The following GADL1 variants were observed in gnomAD, a reference collection of about 807,000 sequenced individuals.
GADL1 encodes the protein acidic amino acid decarboxylase GADL1.
Under a neutral mutation model 69.5 loss-of-function variants are expected in GADL1, and 71 were observed. The observed-to-expected ratio is 1.02, with a 90% CI of 0.84 to 1.25. The LOEUF (loss-of-function observed/expected upper bound fraction) is 1.25. Among genes scored for constraint, GADL1 ranks in the 50% most tolerant of loss-of-function variants. The pLI is 0.00. For synonymous variants in GADL1, 254 were observed against 214.4 expected (o/e 1.18, Z -1.62); for missense variants, 737 against 631.8 (o/e 1.17, Z -1.79).
chr3:30,869,936 A>G (rs1395530381), intron 1 of GADL1, among the ~76,000 whole-genome samples: 1 of 151,906 alleles, frequency 6.6e-6, no homozygotes, highest in Non-Finnish European at 1.5e-5. Flanking sequence ...GTGAAGTCAG[A>G]TAAAACATAC....
chr3:30,752,342 G>A (rs965229391), intron 14 of GADL1, among the ~76,000 whole-genome samples: 3 of 152,020 alleles, frequency 2.0e-5, no homozygotes, highest in Admixed American at 6.6e-5. Flanking sequence ...TGACAGTTAC[G>A]GGTGCAGTTT....
Position 30,800,897 on chromosome 3 carries a change from A to G in GADL1, c.1242T>C (p.Ala414=). ...GAGAGAGAGGCTAGTACCTAGATAA[A>G]GCAAGAGCACGATTAACTCTTTCTT... ...GLEERVNRAL[A]LSRYLVDEIK... is the part of the protein sequence containing the mutation. Residue 414 remains alanine, a synonymous_variant, in exon 12 of 15, where the codon GCT becomes GCC. Coordinates refer to ENST00000282538, the MANE Select transcript of GADL1 (RefSeq NM_207359.3). 6.2e-7 allele frequency: 1 copy of G among 1,609,532 alleles called. No individual in the cohort carries two copies. The highest frequency in any genetic ancestry group is 8.5e-7 in the Non-Finnish European group (1 of 1,179,490).
intron 11 of GADL1, among the ~76,000 whole-genome samples, chr3:30,817,029 C>T (rs969685467): frequency 1.3e-5 from 2 of 152,156 alleles, no homozygotes; most frequent in African/African-American, 4.8e-5. Context: ...AGTGCCCATA[C>T]CCCAGTGACC....
chr3:30,792,820 C>CTAAA (rs1296331232), intron 12 of GADL1, among the ~76,000 whole-genome samples: 1 of 152,036 alleles, frequency 6.6e-6, no homozygotes, highest in Admixed American at 6.6e-5. Flanking sequence ...AATATTTTCC[C>CTAAA]CAGAAGTCTT....
chr3:30,867,673 AT>A (rs1320175421), intron 1 of GADL1, among the ~76,000 whole-genome samples: 1 of 151,808 alleles, frequency 6.6e-6, no homozygotes, highest in Non-Finnish European at 1.5e-5. Context: ...AGTACTAAAT[AT>A]TTGCTGAAGT....
intron 12 of GADL1, 35 bp downstream of exon 12, chr3:30,800,854 A>T: frequency 5.1e-6 from 6 of 1,183,672 alleles, no homozygotes; most frequent in African/African-American, 1.7e-5. Context: ...CACACACAGA[A>T]AGAGAGAGAG....
At chr3:30,776,451 C>T (rs1266146612) in intron 14 of GADL1, among the ~76,000 whole-genome samples, 2 of 152,192 alleles carry the variant, frequency 1.3e-5, no homozygotes, top group Admixed American at 6.5e-5. Context: ...TTCTTAAGCA[C>T]TTTGCTATTT....
rs557739457 is a variant in GADL1 at position 30,755,625 on chromosome 3, C to G, written c.1392+22554G>C. On this transcript the variant is annotated intron_variant, in intron 14 of 14. Coordinates refer to ENST00000282538, the MANE Select transcript of GADL1 (RefSeq NM_207359.3). ...ACAGTTGTAGAAAATATATACTAGC[C>G]TAATAGCGGTAGTGTTTAAATGTCT... Among the ~76,000 whole-genome samples, 15 of 152,188 alleles carry G rather than the reference C, an allele frequency of 9.9e-5. No homozygotes were observed. The South Asian group carries it at 2.7e-3, about 27-fold the overall frequency.
chr3:30,828,783 A>G (rs1697736186), intron 11 of GADL1, among the ~76,000 whole-genome samples: 1 of 151,962 alleles, frequency 6.6e-6, no homozygotes, highest in East Asian at 1.9e-4. Context: ...GTACACACAT[A>G]TGCACATATA....
chr3:30,825,454 A>T (rs1697666002), intron 11 of GADL1, among the ~76,000 whole-genome samples: 1 of 151,978 alleles, frequency 6.6e-6, no homozygotes, highest in South Asian at 2.1e-4. Flanking sequence ...TTCAGCAAAA[A>T]ATTGACTCCC....
At chr3:30,762,110 T>C (rs968100422) in intron 14 of GADL1, among the ~76,000 whole-genome samples, 7 of 152,090 alleles carry the variant, frequency 4.6e-5, no homozygotes, top group African/African-American at 9.7e-5. Context: ...GGAACCCATG[T>C]TTTATAGAGA....
chr3:30,727,043 G>A lies in GADL1; in HGVS notation c.*1199C>T, dbSNP rs1265965864. ...AGGCACAGAGCAAGATAATAAACAA[G>A]CCCCTCAAGCTAAAAGAGGAACACA... is the stretch of plus-strand genomic sequence containing the variant. On this transcript the variant is annotated 3_prime_UTR_variant, in exon 15 of 15. Transcript: ENST00000282538. 1.3e-5 allele frequency: 2 copies of A among 151,722 alleles called. No individual in the cohort carries two copies. Among genetic ancestry groups the A allele is most frequent in the Non-Finnish European group, 2.9e-5 (2 of 67,858 alleles). 9.4% of individuals were successfully genotyped at this position (151,722 alleles called of 1,614,324 possible).
Position 30,727,528 on chromosome 3 carries a change from C to T in GADL1, c.*714G>A, listed in dbSNP as rs796368794. On this transcript the variant is annotated 3_prime_UTR_variant, in exon 15 of 15. Coordinates refer to ENST00000282538, the MANE Select transcript of GADL1 (RefSeq NM_207359.3). The stretch of plus-strand genomic sequence containing the variant: ...ACATAAATCTCTATGAAGTAAACAT[C>T]TTATACAGTTTCTCTCTTTAAAAAT... 1.5e-4 allele frequency: 23 copies of T among 151,848 alleles called. No individual in the cohort carries two copies. The highest frequency in any genetic ancestry group is 5.5e-4 in the African/African-American group (23 of 41,458). 9.4% of individuals were successfully genotyped at this position (151,848 alleles called of 1,614,324 possible). A position where few individuals can be genotyped will look rare whatever the true frequency, so the allele number is the denominator to read the frequency against.
rs999902870 is a variant in GADL1, at chr3:30,728,320, C to T, written c.1488G>A (p.Val496=). ...HRGKVNFFRQ[V]VISPQVSRED... is the part of the protein sequence containing the mutation. ...CCCGGCTCACTTGAGGGCTGATCAC[C>T]ACCTGGCGGAAGAAGTTGACCTTTC... is the stretch of plus-strand genomic sequence containing the variant. The change falls in exon 15 of 15, where the codon GTG becomes GTA. Residue 496 remains valine, a synonymous_variant. Transcript: ENST00000282538. The T allele has an allele frequency of 1.9e-6, 3 of 1,613,830 alleles. No homozygotes were observed. The highest frequency in any genetic ancestry group is 3.3e-5 in the Admixed American group (2 of 59,978).
intron 14 of GADL1, among the ~76,000 whole-genome samples, chr3:30,768,539 AAGG>A (rs371944459): frequency 1.6e-3 from 221 of 136,576 alleles, no homozygotes; most frequent in African/African-American, 1.9e-3. Flanking sequence ...AAATTTTGAG[AAGG>A]AGAAGAGGGG....
At chr3:30,818,202 G>A (rs931957016) in intron 11 of GADL1, among the ~76,000 whole-genome samples, 3 of 152,166 alleles carry the variant, frequency 2.0e-5, no homozygotes, top group African/African-American at 7.2e-5. Flanking sequence ...AATTAACACT[G>A]AGAGATTCTA....
intron 14 of GADL1, among the ~76,000 whole-genome samples, chr3:30,753,047 AACCAGCT>A (rs1309021115): frequency 2.0e-5 from 3 of 152,228 alleles, no homozygotes; most frequent in South Asian, 4.1e-4. Flanking sequence ...CATCTTCTTA[AACCAGCT>A]ACTCTTTAAA....
At position 30,833,886 on chromosome 3, in the gene GADL1, G is replaced by A. The variant is rs112071781; in HGVS notation, c.1017C>T (p.Ile339=). The A allele has an allele frequency of 3.2e-5, 51 of 1,612,792 alleles. No homozygotes were observed. The African/African-American group carries it at 4.3e-4, about 14-fold the overall frequency. ...CTTTCACAAGGAGAGCACAGCACTG[G>A]ATCCCAGCCATCAGCATCTTGTGTG... ...WNPHKMLMAG[I]QCCALLVKDK... is the part of the protein sequence containing the mutation. The change falls in exon 11 of 15, where the codon ATC becomes ATT. Residue 339 remains isoleucine (I), a synonymous_variant. Coordinates refer to ENST00000282538, the MANE Select transcript of GADL1 (RefSeq NM_207359.3).
At chr3:30,772,914 C>T (rs1197292477) in intron 14 of GADL1, among the ~76,000 whole-genome samples, 1 of 151,960 alleles carries the variant, frequency 6.6e-6, no homozygotes, top group Non-Finnish European at 1.5e-5. Context: ...CCACAATGCC[C>T]GAAGCTTTCA....
Sources: gnomAD v4.1 joint callset for allele counts (sites outside exome capture counted in the v4.1 genomes callset) on GRCh38, gnomAD v4.1.1 for gene constraint, MANE v1.5 for transcripts, NCBI Gene and HGNC (gene_info 2026-07-23, HGNC 2026-07-21) for gene names.